LDLRAD4: variants seen among roughly 807,000 people sequenced by gnomAD.
LDLRAD4 encodes low density lipoprotein receptor class A domain containing 4.
A neutral mutation model predicts 17.0 loss-of-function variants in LDLRAD4; 5 were observed. The observed-to-expected ratio is 0.29, with a 90% confidence interval of 0.15 to 0.62. The LOEUF is 0.62. Ranked by LOEUF, LDLRAD4 falls within the 20% of genes least tolerant of loss-of-function variation. The pLI, the probability that LDLRAD4 is intolerant of heterozygous loss-of-function variation, is 0.84. For synonymous variants in LDLRAD4, 168 were observed against 171.8 expected, an observed-to-expected ratio of 0.98 and a Z score of 0.17; for missense variants, 340 against 424.7, an observed-to-expected ratio of 0.80 and a Z score of 1.75.
At chr18:13,396,661 T>G (rs1393625122) in intron 2 of LDLRAD4, among the ~76,000 whole-genome samples, 1 of 152,062 alleles carries the variant, frequency 6.6e-6, no homozygotes, top group Non-Finnish European at 1.5e-5. Flanking sequence ...TTGTTTATTT[T>G]TTGTAGAGAC....
intron 3 of LDLRAD4, chr18:13,611,837 C>T (rs1180771132): frequency 3.0e-6 from 3 of 985,502 alleles, no homozygotes; most frequent in Non-Finnish European, 3.6e-6. Context: ...GTTAGGACCT[C>T]ACGCCTTGCC....
At chr18:13,218,391 C>T (rs1290860831), upstream of LDLRAD4, among the ~76,000 whole-genome samples, 2 of 152,202 alleles carry the variant, frequency 1.3e-5, no homozygotes, top group Non-Finnish European at 2.9e-5. Flanking sequence ...TTTTCTGTTT[C>T]CTGGTGCCCT....
intron 1 of LDLRAD4, among the ~76,000 whole-genome samples, chr18:13,357,407 A>G (rs2083410144): frequency 6.6e-6 from 1 of 151,634 alleles, no homozygotes; most frequent in African/African-American, 2.4e-5. Context: ...GGATGGTTGG[A>G]TGCAGGAAAA....
intron 2 of LDLRAD4, among the ~76,000 whole-genome samples, chr18:13,404,656 G>A (rs2087553896): frequency 1.3e-5 from 2 of 151,986 alleles, no homozygotes; most frequent in Admixed American, 1.3e-4. Context: ...AAATTAGCCG[G>A]GTGTAGTGGT....
chr18:13,619,430 G>A (rs879450738), intron 3 of LDLRAD4, among the ~76,000 whole-genome samples: 10 of 147,098 alleles, frequency 6.8e-5, no homozygotes, highest in Non-Finnish European at 1.3e-4. Context: ...AGCAATTTCA[G>A]TCTTTTCCAG....
rs1179859767 is a variant in LDLRAD4 at position 13,367,286 on chromosome 18, G to C, written c.-382-20055G>C. Among the ~76,000 whole-genome samples the C allele has an allele frequency of 1.3e-5, 2 of 152,184 alleles. No homozygotes were observed. Among genetic ancestry groups the C allele is most frequent in the African/African-American group, 4.8e-5 (2 of 41,430 alleles). On this transcript the variant is annotated intron_variant, in intron 1 of 5. Coordinates refer to ENST00000359446, the Ensembl canonical transcript of LDLRAD4. This position sits in a 1 kb window ranked among gnomAD's most constrained non-coding sequence, Gnocchi z 4.1. Reference sequence around the variant, plus strand: ...TTCACACAGAGTCAGAACCGCTGTGGCAGCGTGAGGGAGTTTTGTCAGGTG... The same window carrying C: ...TTCACACAGAGTCAGAACCGCTGTGCCAGCGTGAGGGAGTTTTGTCAGGTG...
rs914459141 is a variant in LDLRAD4 at position 13,300,987 on chromosome 18, T to C, written c.-383+22799T>C. Among the ~76,000 whole-genome samples, 2 of 152,250 alleles carry C rather than the reference T, an allele frequency of 1.3e-5. No individual in the cohort carries two copies. The highest frequency in any genetic ancestry group is 4.8e-5 in the African/African-American group (2 of 41,468). On this transcript the variant is annotated intron_variant, in intron 1 of 5. Coordinates refer to ENST00000359446, the Ensembl canonical transcript of LDLRAD4. This position sits in a 1 kb window ranked among gnomAD's most constrained non-coding sequence, Gnocchi z 4.2. The stretch of plus-strand genomic sequence containing the variant: ...CTGTGAGCGCCCTGAGGAGCATGTG[T>C]GTCTCCGCACTATGCCCTCAGCGGC...
intron 2 of LDLRAD4, among the ~76,000 whole-genome samples, chr18:13,429,563 G>T (rs1163315669): frequency 6.6e-6 from 1 of 152,232 alleles, no homozygotes; most frequent in Non-Finnish European, 1.5e-5. Context: ...AAGTACCAAA[G>T]AACTAATGTG....
At chr18:13,224,889 C>T (rs1056202393) in intron 1 of LDLRAD4, among the ~76,000 whole-genome samples, 9 of 150,458 alleles carry the variant, frequency 6.0e-5, no homozygotes, top group East Asian at 5.9e-4. Context: ...AGTGCAGTGG[C>T]GTGATCCATC....
intron 2 of LDLRAD4, among the ~76,000 whole-genome samples, chr18:13,421,571 C>T (rs1010636076): frequency 2.0e-5 from 3 of 152,156 alleles, no homozygotes; most frequent in African/African-American, 4.8e-5. Context: ...TTCCCTGAGT[C>T]TCCCTAGGCA....
At chr18:13,328,177 G>C (rs534017191) in intron 1 of LDLRAD4, among the ~76,000 whole-genome samples, 1 of 152,316 alleles carries the variant, frequency 6.6e-6, no homozygotes, top group South Asian at 2.1e-4. Flanking sequence ...AGTGGTTCTG[G>C]TGAGTCTACA....
intron 1 of LDLRAD4, among the ~76,000 whole-genome samples, chr18:13,304,648 C>T (rs1352632066): frequency 2.0e-5 from 3 of 152,232 alleles, no homozygotes; most frequent in Non-Finnish European, 4.4e-5. Context: ...CTTGTCATGG[C>T]AACATCAGCC....
chr18:13,533,967 C>T lies in LDLRAD4; in HGVS notation c.182-87150C>T, dbSNP rs558122130. Among the ~76,000 whole-genome samples the T allele has an allele frequency of 3.9e-5, 6 of 152,238 alleles. No individual in the cohort carries two copies. In the East Asian group the frequency reaches 7.7e-4, roughly 20 times the overall value. ...AGATTGCATTTTAACTTGAGAGGGT[C>T]GTGAAGCTCTTGCCTTCCCATTAAG... On this transcript the variant is annotated intron_variant, in intron 3 of 5. Transcript: ENST00000359446.
At chr18:13,457,906 C>T (rs192836915) in intron 3 of LDLRAD4, among the ~76,000 whole-genome samples, 1 of 152,272 alleles carries the variant, frequency 6.6e-6, no homozygotes. Flanking sequence ...CCTTCACTGC[C>T]CCAGGGATGT....
intron 3 of LDLRAD4, among the ~76,000 whole-genome samples, chr18:13,455,493 A>G (rs979523329): frequency 6.6e-6 from 1 of 151,988 alleles, no homozygotes; most frequent in Non-Finnish European, 1.5e-5. Flanking sequence ...TGGAGGCTGC[A>G]GGGGCACCTG....
At chr18:13,587,472 A>C (rs2094951052) in intron 3 of LDLRAD4, among the ~76,000 whole-genome samples, 1 of 152,178 alleles carries the variant, frequency 6.6e-6, no homozygotes, top group Non-Finnish European at 1.5e-5. Context: ...AGTCACCCTC[A>C]GCCTGCATGC....
chr18:13,563,460 G>C (rs574457783), intron 3 of LDLRAD4, among the ~76,000 whole-genome samples: 5 of 152,154 alleles, frequency 3.3e-5, no homozygotes, highest in African/African-American at 1.2e-4. Context: ...GCGATTTTCC[G>C]GATAGAGTAG....
chr18:13,611,754 G>C, intron 3 of LDLRAD4: 1 of 985,632 alleles, frequency 1.0e-6, no homozygotes. Context: ...GGCAGAGGGA[G>C]AGGGAATGAA....
At chr18:13,538,337 CT>C (rs1661819494) in intron 3 of LDLRAD4, among the ~76,000 whole-genome samples, 1 of 152,172 alleles carries the variant, frequency 6.6e-6, no homozygotes, top group African/African-American at 2.4e-5. Context: ...ACCAATTTAG[CT>C]GTATCTCACA....
Sources: gnomAD v4.1 joint callset for allele counts (sites outside exome capture counted in the v4.1 genomes callset) on GRCh38, gnomAD v4.1.1 for gene constraint, Gnocchi (gnomAD v3.1) non-coding constraint, MANE v1.5 for transcripts, NCBI Gene and HGNC (gene_info 2026-07-23, HGNC 2026-07-21) for gene names.